The following CCNI variants were observed in gnomAD, a reference collection of about 807,000 sequenced individuals.
CCNI encodes the protein cyclin I, also known as cyclin-I.
CCNI carries 14 observed loss-of-function variants against 34.1 expected under a neutral mutation model. The ratio of observed to expected loss-of-function variants is 0.41; its 90% CI spans 0.27 to 0.64. The LOEUF is 0.64. CCNI is among the 30% of genes least tolerant of loss of function. CCNI has a pLI of 0.31. For missense variants in CCNI, 385 were observed against 440.5 expected, an observed-to-expected ratio of 0.87 and a Z score of 1.13; for synonymous variants, 154 against 158.4, an observed-to-expected ratio of 0.97 and a Z score of 0.21.
intron 1 of CCNI, among the ~76,000 whole-genome samples, chr4:77,069,797 T>C (rs1182710262): frequency 1.3e-5 from 2 of 151,850 alleles, no homozygotes; most frequent in African/African-American, 4.8e-5. Context: ...CCACTGTGTG[T>C]GGGGTTTTGG....
intron 6 of CCNI, among the ~76,000 whole-genome samples, chr4:77,049,363 T>C (rs539392031): frequency 6.6e-6 from 1 of 152,288 alleles, no homozygotes; most frequent in African/African-American, 2.4e-5. Context: ...GCCACGGTCA[T>C]CTGTTTCTAT....
intron 6 of CCNI, among the ~76,000 whole-genome samples, chr4:77,050,556 T>C (rs887177603): frequency 1.3e-5 from 2 of 152,220 alleles, no homozygotes; most frequent in African/African-American, 2.4e-5. Context: ...TGGCAGATTT[T>C]AGCATCTACC....
intron 1 of CCNI, among the ~76,000 whole-genome samples, chr4:77,070,985 T>TA (rs1169861911): frequency 6.6e-6 from 1 of 152,222 alleles, no homozygotes; most frequent in Non-Finnish European, 1.5e-5. Context: ...AAAACTTTAA[T>TA]AATTCTTTCA....
chr4:77,057,457 T>C (rs1728322255), intron 3 of CCNI, among the ~76,000 whole-genome samples: 1 of 152,234 alleles, frequency 6.6e-6, no homozygotes, highest in African/African-American at 2.4e-5. Flanking sequence ...TGAGCAGCTA[T>C]TCAGTCTTAC....
intron 6 of CCNI, among the ~76,000 whole-genome samples, chr4:77,052,590 AGAGT>A (rs1269704668): frequency 2.0e-5 from 3 of 152,170 alleles, no homozygotes; most frequent in Non-Finnish European, 4.4e-5. Context: ...AGAACTAGTG[AGAGT>A]GGCCTCCTCA....
chr4:77,066,335 G>C lies in CCNI; in HGVS notation c.28C>G (p.Gln10Glu), dbSNP rs764004561. 3 of 1,613,698 alleles carry C rather than the reference G, an allele frequency of 1.9e-6. No homozygotes were observed. The highest frequency in any genetic ancestry group is 1.7e-5 in the Admixed American group (1 of 59,982). Residue 10 changes from glutamine to glutamate, a missense_variant, in exon 2 of 7, where the codon CAG (glutamine) becomes GAG (glutamate). This residue lies in a region of CCNI where 135 missense variants were observed against 191.8 expected (regional missense o/e 0.70). Coordinates refer to ENST00000237654, the MANE Select transcript of CCNI (RefSeq NM_006835.3). Reference protein sequence around the residue: MKFPGPLENQRLSFLLEKAI... With the variant: MKFPGPLENERLSFLLEKAI... ...TTTTCCAACAGGAAAGACAATCTCT[G>C]GTTTTCCAAAGGCCCTGGAAACTTC...
rs1026190026 is a variant in CCNI, at chr4:77,053,109, G to A, written c.690+2041C>T. ...CTAGCTATGGAAGGGAAAACGCTATGTTGAGTGGAGATCTGCCCTTAAACA... is the reference window on the plus strand; with the variant it reads ...CTAGCTATGGAAGGGAAAACGCTATATTGAGTGGAGATCTGCCCTTAAACA... On this transcript the variant is annotated intron_variant, in intron 6 of 6. Coordinates refer to ENST00000237654, the MANE Select transcript of CCNI (RefSeq NM_006835.3). Among the ~76,000 whole-genome samples the A allele has an allele frequency of 1.5e-4, 23 of 152,302 alleles. No homozygotes were observed. In the East Asian group the frequency reaches 4.0e-3, roughly 27 times the overall value.
intron 6 of CCNI, among the ~76,000 whole-genome samples, chr4:77,051,365 A>G (rs1336844335): frequency 6.6e-6 from 1 of 152,248 alleles, no homozygotes; most frequent in African/African-American, 2.4e-5. Flanking sequence ...GGCAGAATCA[A>G]TACTATGGCA....
intron 1 of CCNI, among the ~76,000 whole-genome samples, chr4:77,070,017 CTTTT>C (rs569456948): frequency 2.3e-5 from 3 of 131,562 alleles, no homozygotes; most frequent in East Asian, 2.2e-4. Flanking sequence ...AAATCATGGG[CTTTT>C]TTTTTTTTTT....
At chr4:77,068,721 CAT>C (rs892520400) in intron 1 of CCNI, among the ~76,000 whole-genome samples, 5 of 150,764 alleles carry the variant, frequency 3.3e-5, no homozygotes, top group African/African-American at 1.2e-4. Context: ...CCAGAATTAA[CAT>C]GTAAAAAGTT....
At chr4:77,057,751 CTT>C (rs1472115718) in intron 3 of CCNI, among the ~76,000 whole-genome samples, 1 of 152,136 alleles carries the variant, frequency 6.6e-6, no homozygotes, top group Non-Finnish European at 1.5e-5. Context: ...TTTATGACAT[CTT>C]GTTATATACC....
chr4:77,051,359 G>C (rs976722475), intron 6 of CCNI, among the ~76,000 whole-genome samples: 3 of 152,200 alleles, frequency 2.0e-5, no homozygotes, highest in African/African-American at 7.2e-5. Flanking sequence ...TGCCATGGCA[G>C]AATCAATACT....
At chr4:77,071,563 G>A (rs1729467232) in intron 1 of CCNI, among the ~76,000 whole-genome samples, 1 of 152,178 alleles carries the variant, frequency 6.6e-6, no homozygotes, top group Non-Finnish European at 1.5e-5. Context: ...AATGAAACCA[G>A]AAGCTGATTG....
Position 77,067,790 on chromosome 4 carries a change from TAAAAAAAAAAAA to T in CCNI, c.-43-1397_-43-1386del, listed in dbSNP as rs375815113. ...GAGCCACCGTGCAGGCTTCTAGGTT[TAAAAAAAAAAAA>T]AAAAAAAAAAAAAAAAAGAAGCAAA... On this transcript the variant is annotated intron_variant, in intron 1 of 6. Coordinates refer to ENST00000237654, the MANE Select transcript of CCNI (RefSeq NM_006835.3). Among the ~76,000 whole-genome samples the T allele has an allele frequency of 1.0e-3, 102 of 98,698 alleles. 3 individuals are homozygous for T. Among genetic ancestry groups the T allele is most frequent in the East Asian group, 6.8e-3 (25 of 3,698 alleles). 64.7% of individuals were successfully genotyped at this position (98,698 alleles called of 152,430 possible). A position where few individuals can be genotyped will look rare whatever the true frequency, so the allele number is the denominator to read the frequency against.
At chr4:77,063,690 CAA>C (rs781072789) in intron 2 of CCNI, among the ~76,000 whole-genome samples, 27 of 111,950 alleles carry the variant, frequency 2.4e-4, no homozygotes, top group Admixed American at 3.8e-4. Flanking sequence ...ACTCTGTCTC[CAA>C]AAAAAAAAAA....
intron 1 of CCNI, among the ~76,000 whole-genome samples, chr4:77,068,851 A>T (rs1274815167): frequency 6.6e-6 from 1 of 152,126 alleles, no homozygotes; most frequent in Non-Finnish European, 1.5e-5. Context: ...CACTCCACAT[A>T]TGCTACCTAT....
At chr4:77,055,426 G>A (rs780529323) in intron 5 of CCNI, 46 bp from the exon 6 acceptor site, 1 of 1,259,930 alleles carries the variant, frequency 7.9e-7, no homozygotes, top group East Asian at 2.4e-5. Flanking sequence ...AAATATCTGG[G>A]AAATTACATA....
At chr4:77,054,530 C>T (rs1437591843) in intron 6 of CCNI, among the ~76,000 whole-genome samples, 2 of 152,154 alleles carry the variant, frequency 1.3e-5, no homozygotes, top group Non-Finnish European at 2.9e-5. Context: ...GCACTCTCAC[C>T]AACTTTCCAT....
At chr4:77,070,723 G>T (rs1020096149) in intron 1 of CCNI, among the ~76,000 whole-genome samples, 1 of 152,186 alleles carries the variant, frequency 6.6e-6, no homozygotes, top group East Asian at 1.9e-4. Flanking sequence ...AGGTGCTGTG[G>T]CTCATTCCTG....
Sources: gnomAD v4.1 joint callset for allele counts (sites outside exome capture counted in the v4.1 genomes callset) on GRCh38, gnomAD v4.1.1 for gene constraint, gnomAD v4.1.1 regional missense constraint, MANE v1.5 for transcripts, NCBI Gene and HGNC (gene_info 2026-07-23, HGNC 2026-07-21) for gene names.